Variants in MAGI2 observed in about 807,000 individuals in gnomAD.
MAGI2 encodes the protein membrane associated guanylate kinase, WW and PDZ domain containing 2.
Under a neutral mutation model 133.3 loss-of-function variants are expected in MAGI2, and 35 were observed. The ratio of observed to expected loss-of-function variants is 0.26; its 90% CI spans 0.20 to 0.35. The LOEUF (loss-of-function observed/expected upper bound fraction) is 0.35. Among genes scored for constraint, MAGI2 ranks in the 10% least tolerant of loss-of-function variants. MAGI2 has a pLI of 1.00. For synonymous variants in MAGI2, 729 were observed against 710.6 expected (o/e 1.03, Z -0.41); for missense variants, 1,636 against 1,863.4 (o/e 0.88, Z 2.25).
At chr7:78,297,389 A>G (rs1057301943) in intron 9 of MAGI2, among the ~76,000 whole-genome samples, 1 of 152,092 alleles carries the variant, frequency 6.6e-6, no homozygotes, top group South Asian at 2.1e-4. Flanking sequence ...TGGGACTGCA[A>G]ACTAGTTCAA....
At chr7:79,125,570 T>A in intron 1 of MAGI2, 1 of 507,224 alleles carries the variant, frequency 2.0e-6, no homozygotes, top group South Asian at 1.5e-5. Flanking sequence ...AACAGCTGTA[T>A]CAGTGGAGGA....
At chr7:78,039,034 T>A (rs975663724) in intron 21 of MAGI2, among the ~76,000 whole-genome samples, 1 of 149,462 alleles carries the variant, frequency 6.7e-6, no homozygotes, top group Non-Finnish European at 1.5e-5. Context: ...ACTTAGAGGA[T>A]TTTTTTTTTA....
rs142047718 is a variant in MAGI2, at chr7:79,203,721, G to T, written c.302-196515C>A. ...AAAAAACCAATCCACCAATCAGTAG[G>T]CATTTTAAAAATATTTAAGCCGCCA... On this transcript the variant is annotated intron_variant, in intron 1 of 21. Transcript: ENST00000354212. Among the ~76,000 whole-genome samples, 1,063 of 152,050 alleles carry T rather than the reference G, an allele frequency of 7.0e-3. 5 individuals carry two copies. The highest frequency in any genetic ancestry group is 0.012 in the Non-Finnish European group (796 of 68,016).
chr7:78,812,943 T>G (rs1197555304), intron 2 of MAGI2, among the ~76,000 whole-genome samples: 1 of 152,118 alleles, frequency 6.6e-6, no homozygotes, highest in African/African-American at 2.4e-5. Flanking sequence ...GAAACACATA[T>G]GAGAGCTCAC....
intron 16 of MAGI2, among the ~76,000 whole-genome samples, chr7:78,156,563 A>G (rs145690250): frequency 6.6e-6 from 1 of 152,262 alleles, no homozygotes; most frequent in East Asian, 1.9e-4. Context: ...TCGAACTCTC[A>G]TGGCAACCCC....
chr7:79,092,338 A>G (rs1045706609), intron 1 of MAGI2, among the ~76,000 whole-genome samples: 9 of 152,198 alleles, frequency 5.9e-5, no homozygotes, highest in African/African-American at 2.2e-4. Context: ...AACATCTGAC[A>G]TAACTATAAT....
intron 2 of MAGI2, among the ~76,000 whole-genome samples, chr7:78,737,321 A>C (rs1821957517): frequency 6.6e-6 from 1 of 152,206 alleles, no homozygotes; most frequent in South Asian, 2.1e-4. Flanking sequence ...GCATGATGTT[A>C]CAAACTCGTG....
intron 3 of MAGI2, among the ~76,000 whole-genome samples, chr7:78,528,646 A>G (rs555497227): frequency 2.0e-4 from 30 of 152,296 alleles, no homozygotes; most frequent in Admixed American, 1.4e-3. Context: ...CTTACTGCAG[A>G]ATTCTTTTGT....
chr7:78,686,813 A>G (rs1585085311), intron 2 of MAGI2, among the ~76,000 whole-genome samples: 1 of 152,324 alleles, frequency 6.6e-6, no homozygotes, highest in South Asian at 2.1e-4. Flanking sequence ...AAGACACAGA[A>G]AGCAAGCGCA....
At chr7:78,560,569 A>G (rs1432486188) in intron 3 of MAGI2, among the ~76,000 whole-genome samples, 1 of 152,222 alleles carries the variant, frequency 6.6e-6, no homozygotes, top group East Asian at 1.9e-4. Context: ...ATGTTTAAAA[A>G]CATGCAAAAA....
At chr7:78,781,923 A>G (rs978523446) in intron 2 of MAGI2, among the ~76,000 whole-genome samples, 1 of 152,224 alleles carries the variant, frequency 6.6e-6, no homozygotes, top group African/African-American at 2.4e-5. Context: ...TTCAATTGTT[A>G]TATTTCTTAA....
At chr7:78,316,661 A>G (rs950220475) in intron 9 of MAGI2, among the ~76,000 whole-genome samples, 2 of 152,360 alleles carry the variant, frequency 1.3e-5, no homozygotes, top group East Asian at 1.9e-4. Context: ...AAGTTCTAGA[A>G]AAAGCCATGG....
At chr7:79,183,319 C>A (rs1408286434) in intron 1 of MAGI2, among the ~76,000 whole-genome samples, 1 of 151,554 alleles carries the variant, frequency 6.6e-6, no homozygotes, top group Non-Finnish European at 1.5e-5. Flanking sequence ...ACCCCATAAA[C>A]ATATGTAAAA....
intron 6 of MAGI2, among the ~76,000 whole-genome samples, chr7:78,473,537 T>C (rs1403746457): frequency 6.6e-6 from 1 of 152,126 alleles, no homozygotes; most frequent in East Asian, 1.9e-4. Context: ...ACAAGTTTCT[T>C]TCTCTCTCTC....
At chr7:78,994,481 G>T (rs1806092462) in intron 2 of MAGI2, among the ~76,000 whole-genome samples, 1 of 151,998 alleles carries the variant, frequency 6.6e-6, no homozygotes, top group East Asian at 1.9e-4. Context: ...TTTTTTCCCT[G>T]CTTTTGTGGA....
chr7:79,408,872 C>A (rs1845974997), intron 1 of MAGI2, among the ~76,000 whole-genome samples: 1 of 152,036 alleles, frequency 6.6e-6, no homozygotes, highest in African/African-American at 2.4e-5. Flanking sequence ...GATGTGAATT[C>A]TAAGATAAAT....
At chr7:79,292,361 C>T (rs1836553445) in intron 1 of MAGI2, among the ~76,000 whole-genome samples, 2 of 151,966 alleles carry the variant, frequency 1.3e-5, no homozygotes, top group Admixed American at 1.3e-4. Context: ...GTGGCTCATG[C>T]CTGTAATCCT....
Position 78,219,011 on chromosome 7 carries a change from G to A in MAGI2, c.2048-17818C>T, listed in dbSNP as rs374304061. Among the ~76,000 whole-genome samples the A allele has an allele frequency of 4.6e-5, 7 of 152,256 alleles. No individual in the cohort carries two copies. In the East Asian group the frequency reaches 1.2e-3, roughly 25 times the overall value. On this transcript the variant is annotated intron_variant, in intron 10 of 21. Transcript: ENST00000354212. ...CTGGAACATTATCTTCTTTGCTATGGATGAAGGTCAAATTGTGTCTCTAAT... is the reference window on the plus strand; with the variant it reads ...CTGGAACATTATCTTCTTTGCTATGAATGAAGGTCAAATTGTGTCTCTAAT...
At chr7:78,103,609 A>G (rs1818395744) in intron 20 of MAGI2, among the ~76,000 whole-genome samples, 2 of 152,258 alleles carry the variant, frequency 1.3e-5, no homozygotes, top group African/African-American at 4.8e-5. Context: ...CTAGTAAGTG[A>G]CGAAGTTGGG....
Sources: gnomAD v4.1 joint callset for allele counts (sites outside exome capture counted in the v4.1 genomes callset) on GRCh38, gnomAD v4.1.1 for gene constraint, MANE v1.5 for transcripts, NCBI Gene and HGNC (gene_info 2026-07-23, HGNC 2026-07-21) for gene names.